ANO6: variants seen among roughly 807,000 people sequenced by gnomAD.
ANO6 encodes anoctamin 6, also known as anoctamin-6.
ANO6 carries 106 observed loss-of-function variants against 117.5 expected under a neutral mutation model. The observed-to-expected ratio is 0.90, with a 90% CI of 0.77 to 1.06. The LOEUF is 1.06. ANO6 is among the 50% of genes least tolerant of loss of function. The pLI is 0.00. For synonymous variants in ANO6, 367 were observed against 385.1 expected (o/e 0.95, Z 0.55); for missense variants, 955 against 1,121.1 (o/e 0.85, Z 2.12).
At chr12:45,298,604 T>C (rs1033722601) in intron 1 of ANO6, among the ~76,000 whole-genome samples, 3 of 152,246 alleles carry the variant, frequency 2.0e-5, no homozygotes, top group Non-Finnish European at 4.4e-5. Flanking sequence ...TCTACCTAGA[T>C]GATGTTTCAA....
chr12:45,267,118 A>G (rs896735836), intron 1 of ANO6, among the ~76,000 whole-genome samples: 1 of 152,198 alleles, frequency 6.6e-6, no homozygotes, highest in Non-Finnish European at 1.5e-5. Context: ...TGGGGCTGCC[A>G]TGACAGAATA....
In ANO6 at chr12:45,348,023, T is replaced by C. The variant is rs569863094; in HGVS notation, c.346-5T>C. On this transcript the variant is annotated splice_region_variant and splice_polypyrimidine_tract_variant and intron_variant, in intron 4 of 19. Transcript: ENST00000320560. Reference sequence around the variant, plus strand: ...TTGTTCTGCGTTTTTATTTTTCCAATATAGGTATTGGATGACAAGCTTGTA... The same window carrying C: ...TTGTTCTGCGTTTTTATTTTTCCAACATAGGTATTGGATGACAAGCTTGTA... 9 of 1,613,182 alleles carry C rather than the reference T, an allele frequency of 5.6e-6. No homozygotes were observed. The African/African-American group carries it at 1.1e-4, about 19-fold the overall frequency.
At position 45,430,224 on chromosome 12, in the gene ANO6, C is replaced by T. The variant is rs1943600888; in HGVS notation, c.*913C>T. On this transcript the variant is annotated 3_prime_UTR_variant, in exon 20 of 20. Coordinates refer to ENST00000320560, the MANE Select transcript of ANO6 (RefSeq NM_001025356.3). ...AACATAATTGTCTGGAAAAGATAAG[C>T]CCCTCAATTTTCTACCAGTTGACTT... The T allele has an allele frequency of 7.1e-6, 7 of 985,308 alleles. No individual in the cohort carries two copies. Among genetic ancestry groups the T allele is most frequent in the Non-Finnish European group, 8.4e-6 (7 of 829,896 alleles). 61.0% of individuals were successfully genotyped at this position (985,308 alleles called of 1,614,324 possible). A position where few individuals can be genotyped will look rare whatever the true frequency, so the allele number is the denominator to read the frequency against.
At chr12:45,294,411 CTTCT>C (rs1939221566) in intron 1 of ANO6, among the ~76,000 whole-genome samples, 2 of 152,038 alleles carry the variant, frequency 1.3e-5, no homozygotes, top group African/African-American at 4.8e-5. Flanking sequence ...TTTCTTTTTC[CTTCT>C]TTGTTTTAGA....
At chr12:45,406,134 A>T (rs1382346631) in intron 15 of ANO6, among the ~76,000 whole-genome samples, 1 of 152,228 alleles carries the variant, frequency 6.6e-6, no homozygotes, top group Non-Finnish European at 1.5e-5. Context: ...CAACAAGGAA[A>T]GGAGCATATC....
intron 2 of ANO6, among the ~76,000 whole-genome samples, chr12:45,321,427 A>G (rs1022625773): frequency 6.6e-6 from 1 of 152,134 alleles, no homozygotes; most frequent in Non-Finnish European, 1.5e-5. Context: ...AGTTAAGTAG[A>G]TTTTACAAAT....
intron 1 of ANO6, among the ~76,000 whole-genome samples, chr12:45,244,559 G>C (rs971986129): frequency 6.6e-6 from 1 of 152,122 alleles, no homozygotes; most frequent in Non-Finnish European, 1.5e-5. Context: ...AGGGGTCCTT[G>C]ATCCAAAAGG....
chr12:45,419,734 T>G (rs865892716), intron 17 of ANO6, among the ~76,000 whole-genome samples: 1 of 152,128 alleles, frequency 6.6e-6, no homozygotes, highest in African/African-American at 2.4e-5. Context: ...TGGTTTAAAG[T>G]AAAAATCCTT....
exon 20 of ANO6, chr12:45,439,875 C>T (rs773650581): frequency 2.6e-5 from 40 of 1,528,478 alleles, no homozygotes; most frequent in Non-Finnish European, 3.4e-5. Flanking sequence ...CTGTTACTTT[C>T]TTTTTCCTTC....
rs566838691 is a variant in ANO6, at chr12:45,336,069, T to C, written c.279+4646T>C. Among the ~76,000 whole-genome samples, 3 of 152,178 alleles carry C rather than the reference T, an allele frequency of 2.0e-5. No homozygotes were observed. In the South Asian group the frequency reaches 6.2e-4, roughly 32 times the overall value. ...ACTATTGTATTGTTCCTGATTTTAA[T>C]GGGAATGTTTCTAAAATTTCACTAT... On this transcript the variant is annotated intron_variant, in intron 3 of 19. Coordinates refer to ENST00000320560, the MANE Select transcript of ANO6 (RefSeq NM_001025356.3).
At chr12:45,239,476 C>T (rs763008867) in intron 1 of ANO6, among the ~76,000 whole-genome samples, 1 of 149,852 alleles carries the variant, frequency 6.7e-6, no homozygotes, top group Non-Finnish European at 1.5e-5. Context: ...TTTTGTTGAT[C>T]TTTTCAGAAA....
At chr12:45,359,187 G>A (rs965620026) in intron 8 of ANO6, among the ~76,000 whole-genome samples, 1 of 152,078 alleles carries the variant, frequency 6.6e-6, no homozygotes, top group Non-Finnish European at 1.5e-5. Flanking sequence ...CTTTCCCTTA[G>A]CCCCTGGCAA....
chr12:45,294,978 T>C (rs1411344379), intron 1 of ANO6, among the ~76,000 whole-genome samples: 2 of 152,212 alleles, frequency 1.3e-5, no homozygotes, highest in South Asian at 2.1e-4. Context: ...TTCATATATA[T>C]GTCAGCTTAT....
chr12:45,342,020 T>TC (rs767922710), intron 3 of ANO6, among the ~76,000 whole-genome samples: 2 of 152,134 alleles, frequency 1.3e-5, no homozygotes, highest in African/African-American at 2.4e-5. Flanking sequence ...AGCTGTTTTT[T>TC]CCCTCTATCT....
chr12:45,359,144 A>G (rs1941489797), intron 8 of ANO6, among the ~76,000 whole-genome samples: 1 of 152,176 alleles, frequency 6.6e-6, no homozygotes, highest in African/African-American at 2.4e-5. Flanking sequence ...CCATAAAATG[A>G]CCTTTTTTAA....
intron 12 of ANO6, among the ~76,000 whole-genome samples, chr12:45,401,112 G>A (rs1029840288): frequency 2.0e-5 from 3 of 152,222 alleles, no homozygotes; most frequent in Non-Finnish European, 4.4e-5. Context: ...GTTTAAGGTC[G>A]TAAGATCTGA....
At chr12:45,229,096 C>T (rs1401393585) in intron 1 of ANO6, among the ~76,000 whole-genome samples, 2 of 151,876 alleles carry the variant, frequency 1.3e-5, no homozygotes, top group East Asian at 1.9e-4. Flanking sequence ...TCTCAGGGTC[C>T]GGGATGAGAA....
chr12:45,245,352 AATTGTTAATATAAAT>A (rs1947808542), intron 1 of ANO6, among the ~76,000 whole-genome samples: 2 of 151,994 alleles, frequency 1.3e-5, no homozygotes, highest in South Asian at 2.1e-4. Flanking sequence ...TAGTATTAAT[AATTGTTAATATAAAT>A]ATTGGAGGCA....
intron 1 of ANO6, among the ~76,000 whole-genome samples, chr12:45,230,094 C>T (rs143523538): frequency 4.4e-4 from 67 of 152,170 alleles, no homozygotes; most frequent in Admixed American, 1.4e-3. Flanking sequence ...TTAGAGATTT[C>T]GCCTTTCCCC....
Sources: gnomAD v4.1 joint callset for allele counts (sites outside exome capture counted in the v4.1 genomes callset) on GRCh38, gnomAD v4.1.1 for gene constraint, MANE v1.5 for transcripts, NCBI Gene and HGNC (gene_info 2026-07-23, HGNC 2026-07-21) for gene names.